Variants in SNX29 observed in about 807,000 individuals in gnomAD.
The protein encoded by SNX29 is sorting nexin-29.
SNX29 carries 78 observed loss-of-function variants against 102.1 expected under a neutral mutation model. The observed-to-expected ratio is 0.76, with a 90% confidence interval of 0.64 to 0.92. The LOEUF (loss-of-function observed/expected upper bound fraction) is 0.92. Among genes scored for constraint, SNX29 ranks in the 40% least tolerant of loss-of-function variants. The probability of loss-of-function intolerance (pLI) is 0.00; values close to 1 mark genes in which losing one functional copy is unlikely to be tolerated. For missense variants in SNX29, 1,280 were observed against 1,061.7 expected (o/e 1.21, Z -2.86); for synonymous variants, 580 against 414.5 (o/e 1.40, Z -4.85).
chr16:12,319,947 C>T (rs911297660), intron 15 of SNX29, among the ~76,000 whole-genome samples: 6 of 152,044 alleles, frequency 3.9e-5, no homozygotes, highest in African/African-American at 1.2e-4. Flanking sequence ...GGGAAGAAAC[C>T]CGAGTAGGTT....
chr16:12,506,115 C>G (rs1298443880), intron 19 of SNX29, among the ~76,000 whole-genome samples: 1 of 152,174 alleles, frequency 6.6e-6, no homozygotes, highest in African/African-American at 2.4e-5. Context: ...TATGTGCCAG[C>G]ACACCTGGCT....
rs745756900 is a variant in SNX29 at position 12,477,819 on chromosome 16, G to T, written c.2138G>T (p.Arg713Met). The change falls in exon 19 of 21, where the codon AGG becomes ATG. Residue 713 changes from arginine to methionine, a missense_variant. By Grantham distance (91) the Arg-to-Met change is moderately conservative. Transcript: ENST00000566228. ...TTACAAAACAAGTACCCTCAAGTGA[G>T]GGCCTACAACTTCCCACCCAAAAAG... is the stretch of plus-strand genomic sequence containing the variant. ...HKLQNKYPQV[R>M]AYNFPPKKAI... 6.2e-7 allele frequency: 1 copy of T among 1,612,598 alleles called. No individual in the cohort carries two copies. The highest frequency in any genetic ancestry group is 1.3e-5 in the African/African-American group (1 of 74,832).
At chr16:12,410,043 G>A (rs530998726) in intron 18 of SNX29, among the ~76,000 whole-genome samples, 1 of 152,110 alleles carries the variant, frequency 6.6e-6, no homozygotes, top group South Asian at 2.1e-4. Context: ...CACCCAGGCT[G>A]GAGTGCAGTA....
intron 13 of SNX29, among the ~76,000 whole-genome samples, chr16:12,169,187 A>C (rs1410713357): frequency 6.6e-6 from 1 of 152,198 alleles, no homozygotes; most frequent in Non-Finnish European, 1.5e-5. Flanking sequence ...TGGTATGTGA[A>C]TTGTATCTCA....
chr16:12,533,573 C>T (rs983160301), intron 20 of SNX29, among the ~76,000 whole-genome samples: 3 of 152,202 alleles, frequency 2.0e-5, no homozygotes, highest in African/African-American at 7.2e-5. Context: ...TCGTCATTAT[C>T]AACCAGGTAT....
chr16:12,288,547 C>T (rs1394227269), intron 15 of SNX29, among the ~76,000 whole-genome samples: 1 of 152,076 alleles, frequency 6.6e-6, no homozygotes, highest in Non-Finnish European at 1.5e-5. Context: ...CTCCAGCTTG[C>T]CCTTGAATTC....
intron 9 of SNX29, among the ~76,000 whole-genome samples, chr16:12,063,366 CTTTTTT>C (rs369015533): frequency 3.2e-4 from 18 of 55,396 alleles, no homozygotes; most frequent in Admixed American, 8.4e-4. Flanking sequence ...CCTAGTCCAT[CTTTTTT>C]TTTTTTTTTT....
At chr16:12,003,462 T>G (rs2056358263) in intron 3 of SNX29, among the ~76,000 whole-genome samples, 1 of 152,140 alleles carries the variant, frequency 6.6e-6, no homozygotes, top group Non-Finnish European at 1.5e-5. Flanking sequence ...GAATTTGTTT[T>G]CAACAGAAAA....
chr16:12,128,805 T>C (rs936393871), intron 12 of SNX29, among the ~76,000 whole-genome samples: 11 of 149,770 alleles, frequency 7.3e-5, no homozygotes, highest in African/African-American at 2.7e-4. Context: ...GGATTTAGTA[T>C]GTAGATGTAC....
At chr16:12,452,819 A>T (rs543654939) in intron 18 of SNX29, among the ~76,000 whole-genome samples, 1 of 152,206 alleles carries the variant, frequency 6.6e-6, no homozygotes, top group Non-Finnish European at 1.5e-5. Flanking sequence ...CTGCTCCGAC[A>T]TGAGATCACA....
chr16:12,185,567 A>G (rs977508556), intron 13 of SNX29, among the ~76,000 whole-genome samples: 1 of 151,626 alleles, frequency 6.6e-6, no homozygotes, highest in Non-Finnish European at 1.5e-5. Context: ...TCCTTCAATC[A>G]CCTTTCTCTC....
intron 18 of SNX29, among the ~76,000 whole-genome samples, chr16:12,455,746 C>T (rs1445990188): frequency 1.3e-5 from 2 of 152,168 alleles, no homozygotes; most frequent in Non-Finnish European, 2.9e-5. Flanking sequence ...CTGTCAGAAG[C>T]GTCCATCCTT....
intron 14 of SNX29, among the ~76,000 whole-genome samples, chr16:12,220,304 A>G (rs1191032820): frequency 2.0e-5 from 1 of 48,978 alleles, no homozygotes; most frequent in East Asian, 5.7e-4. Context: ...GGTTTTCTTT[A>G]TGGGAGGGAG....
At chr16:12,254,343 A>T (rs2078506175) in intron 14 of SNX29, among the ~76,000 whole-genome samples, 1 of 152,094 alleles carries the variant, frequency 6.6e-6, no homozygotes, top group African/African-American at 2.4e-5. Context: ...AAAAAAGGAG[A>T]TACCAGCAAA....
chr16:11,999,371 CACACATTTGCCTTTTTGGTCGAGT>C lies in SNX29; in HGVS notation c.69+15_69+38del, dbSNP rs1333409608. The C allele has an allele frequency of 6.2e-7, 1 of 1,613,822 alleles. No individual in the cohort carries two copies. Among genetic ancestry groups the C allele is most frequent in the Admixed American group, 1.7e-5 (1 of 59,976 alleles). On this transcript the variant is annotated intron_variant, in intron 2 of 20. Transcript: ENST00000566228. ...TGCAGTGAAACAGGTAAGCAGAAAG[CACACATTTGCCTTTTTGGTCGAGT>C]AATAGTGTCAGATAATTAATGTAGG...
intron 18 of SNX29, among the ~76,000 whole-genome samples, chr16:12,431,443 T>TTTTG: frequency 6.6e-6 from 1 of 151,912 alleles, no homozygotes; most frequent in East Asian, 1.9e-4. Flanking sequence ...TCTTTTTTTT[T>TTTTG]TTTTGTTTTT....
chr16:12,561,787 C>T (rs989900062), intron 20 of SNX29, among the ~76,000 whole-genome samples: 13 of 152,136 alleles, frequency 8.5e-5, no homozygotes, highest in African/African-American at 2.7e-4. Flanking sequence ...CAGGACCACG[C>T]GTGGCCTGGC....
chr16:12,251,820 C>G (rs879338420), intron 14 of SNX29, among the ~76,000 whole-genome samples: 1 of 151,930 alleles, frequency 6.6e-6, no homozygotes, highest in African/African-American at 2.4e-5. Flanking sequence ...AGTGTGGTGG[C>G]ACGATCACGG....
rs185097837 is a variant in SNX29, at chr16:12,499,946, G to A, written c.2178+22087G>A. Among the ~76,000 whole-genome samples, 119 of 152,156 alleles carry A rather than the reference G, an allele frequency of 7.8e-4. 1 individual carries two copies. The highest frequency in any genetic ancestry group is 2.8e-3 in the African/African-American group (115 of 41,518). On this transcript the variant is annotated intron_variant, in intron 19 of 20. Transcript: ENST00000566228. ...CCTGCCTCAGTCTCACAAAGTGCTA[G>A]GATTACAGGTATGAGCCATGGTGCC...
Sources: allele counts gnomAD v4.1 joint callset (sites outside exome capture counted in the v4.1 genomes callset), GRCh38; gene constraint gnomAD v4.1.1; transcripts MANE v1.5; gene names NCBI Gene and HGNC (gene_info 2026-07-23, HGNC 2026-07-21).